Variants in LRMDA observed in about 807,000 individuals in gnomAD.
LRMDA encodes the protein leucine rich melanocyte differentiation associated.
Under a neutral mutation model 29.8 loss-of-function variants are expected in LRMDA, and 18 were observed. The observed-to-expected ratio is 0.60, with a 90% CI of 0.42 to 0.90. The LOEUF (loss-of-function observed/expected upper bound fraction) is 0.90, where lower values mean the gene tolerates loss of function less well. Ranked by LOEUF, LRMDA falls within the 40% of genes least tolerant of loss-of-function variation. The pLI is 0.00. For synonymous variants in LRMDA, 125 were observed against 109.4 expected, an observed-to-expected ratio of 1.14 and a Z score of -0.89; for missense variants, 273 against 273.9, an observed-to-expected ratio of 1.00 and a Z score of 0.02.
At chr10:75,685,180 T>C (rs946518219) in intron 2 of LRMDA, among the ~76,000 whole-genome samples, 3 of 151,900 alleles carry the variant, frequency 2.0e-5, no homozygotes, top group African/African-American at 7.3e-5. Context: ...ATTCTTACTA[T>C]ATACATAATG....
chr10:76,007,061 G>A (rs371862883), intron 2 of LRMDA, among the ~76,000 whole-genome samples: 3 of 141,818 alleles, frequency 2.1e-5, no homozygotes, highest in South Asian at 4.4e-4. Context: ...TTTATTTTCC[G>A]TCTCTCTGCC....
At chr10:75,729,684 A>G (rs996272337) in intron 2 of LRMDA, among the ~76,000 whole-genome samples, 2 of 152,238 alleles carry the variant, frequency 1.3e-5, no homozygotes, top group African/African-American at 4.8e-5. Context: ...GTGTGGTAGT[A>G]ACTTCAAATC....
intron 5 of LRMDA, among the ~76,000 whole-genome samples, chr10:76,209,221 A>T (rs984621639): frequency 6.6e-6 from 1 of 152,138 alleles, no homozygotes; most frequent in Admixed American, 6.5e-5. Context: ...TAATAAGCTA[A>T]GGAGAGTCAC....
chr10:75,626,619 G>A (rs553964817), intron 2 of LRMDA, among the ~76,000 whole-genome samples: 1 of 152,196 alleles, frequency 6.6e-6, no homozygotes, highest in Non-Finnish European at 1.5e-5. Flanking sequence ...ATTAATTCCT[G>A]TTCCAATGAC....
At chr10:75,873,388 C>T (rs550650779) in intron 2 of LRMDA, among the ~76,000 whole-genome samples, 10 of 152,204 alleles carry the variant, frequency 6.6e-5, no homozygotes, top group African/African-American at 1.9e-4. Context: ...TTATTGCCTT[C>T]GAATCATTCC....
intron 5 of LRMDA, among the ~76,000 whole-genome samples, chr10:76,176,779 C>T (rs538677652): frequency 3.0e-3 from 452 of 152,226 alleles, no homozygotes; most frequent in Non-Finnish European, 5.5e-3. Context: ...GGCAACAGAG[C>T]GAGACTCCGT....
intron 6 of LRMDA, among the ~76,000 whole-genome samples, chr10:76,540,793 T>C (rs1428613451): frequency 6.6e-6 from 1 of 152,220 alleles, no homozygotes; most frequent in Non-Finnish European, 1.5e-5. Context: ...TTTGTTTTAC[T>C]GTTTATTCGA....
intron 6 of LRMDA, among the ~76,000 whole-genome samples, chr10:76,411,397 A>G (rs1468949399): frequency 6.6e-6 from 1 of 152,204 alleles, no homozygotes; most frequent in African/African-American, 2.4e-5. Context: ...AGTTCTGTAC[A>G]AATGATTTTT....
At chr10:76,129,178 T>C (rs1471612301) in intron 5 of LRMDA, among the ~76,000 whole-genome samples, 14 of 152,108 alleles carry the variant, frequency 9.2e-5, no homozygotes. Flanking sequence ...AATTGACAAG[T>C]GAACCCTGGG....
chr10:76,182,162 G>T (rs1007285309), intron 5 of LRMDA, among the ~76,000 whole-genome samples: 2 of 152,102 alleles, frequency 1.3e-5, no homozygotes, highest in Non-Finnish European at 2.9e-5. Flanking sequence ...GTTCCATGTG[G>T]CTGGGGAGGC....
chr10:76,375,532 A>G (rs1047787535), intron 6 of LRMDA, among the ~76,000 whole-genome samples: 14 of 152,198 alleles, frequency 9.2e-5, no homozygotes, highest in Admixed American at 5.2e-4. Flanking sequence ...AAAATGATCA[A>G]CATATTGGAC....
At chr10:76,517,879 G>A (rs76742712) in intron 6 of LRMDA, among the ~76,000 whole-genome samples, 3,154 of 149,072 alleles carry the variant, frequency 0.021, 69 homozygotes, top group African/African-American at 0.057. Context: ...ACGAATCACC[G>A]CCAAAAAAAA....
intron 5 of LRMDA, among the ~76,000 whole-genome samples, chr10:76,148,710 C>A (rs960499357): frequency 6.6e-6 from 1 of 152,184 alleles, no homozygotes; most frequent in African/African-American, 2.4e-5. Context: ...TGCACCTACT[C>A]TCTGGCACTC....
chr10:75,839,713 T>C (rs1010376581), intron 2 of LRMDA, among the ~76,000 whole-genome samples: 7 of 142,336 alleles, frequency 4.9e-5, no homozygotes, highest in Non-Finnish European at 1.1e-4. Context: ...TTTTTTTTTT[T>C]TTTTTTTTTT....
intron 2 of LRMDA, among the ~76,000 whole-genome samples, chr10:75,487,217 G>A (rs1487724836): frequency 2.0e-5 from 3 of 152,134 alleles, no homozygotes; most frequent in African/African-American, 7.2e-5. Flanking sequence ...TCCTCATCCA[G>A]CCTCCATATA....
chr10:75,580,516 C>G (rs1840574037), intron 2 of LRMDA, among the ~76,000 whole-genome samples: 2 of 152,178 alleles, frequency 1.3e-5, no homozygotes, highest in Admixed American at 6.5e-5. Context: ...AGATTCAATG[C>G]CTTTCCCATC....
intron 2 of LRMDA, among the ~76,000 whole-genome samples, chr10:75,517,712 C>T (rs1462510901): frequency 1.3e-5 from 2 of 152,168 alleles, no homozygotes; most frequent in Non-Finnish European, 2.9e-5. Flanking sequence ...TGCCTGATAG[C>T]CCTGGGCAGA....
chr10:76,426,252 C>T (rs1376063393), intron 6 of LRMDA, among the ~76,000 whole-genome samples: 1 of 152,220 alleles, frequency 6.6e-6, no homozygotes, highest in African/African-American at 2.4e-5. Flanking sequence ...TCCACATCCT[C>T]TCCAGCACCT....
In LRMDA at chr10:76,047,233, CT is replaced by C; in HGVS notation, c.329del (p.Leu110ArgfsTer34). On this transcript the variant is annotated frameshift_variant, in exon 4 of 7. Transcript: ENST00000611255. LOFTEE classifies it high-confidence loss of function. ...VTPALEYLSL[L>X]GNVACPNELV... ...ACCAGCTCTGGAGTACCTCAGTCTG[CT>C]GGGCAACGTGGCCTGTCCCAACGAG... 6.2e-7 allele frequency: 1 copy of C among 1,614,084 alleles called. No individual in the cohort carries two copies. The highest frequency in any genetic ancestry group is 1.3e-5 in the African/African-American group (1 of 75,024).
Sources: allele counts gnomAD v4.1 joint callset (sites outside exome capture counted in the v4.1 genomes callset), GRCh38; gene constraint gnomAD v4.1.1; transcripts MANE v1.5; gene names NCBI Gene and HGNC (gene_info 2026-07-23, HGNC 2026-07-21).